TBC1D16: variants seen among roughly 807,000 people sequenced by gnomAD.
TBC1D16 encodes the protein TBC1 domain family member 16, also known as CTD-2529O21.1.
A neutral mutation model predicts 74.7 loss-of-function variants in TBC1D16; 58 were observed. The observed-to-expected ratio is 0.78, with a 90% CI of 0.63 to 0.97. The LOEUF is 0.97. Ranked by LOEUF, TBC1D16 falls within the 50% of genes least tolerant of loss-of-function variation. The pLI is 0.00. For synonymous variants in TBC1D16, 493 were observed against 474.7 expected, an observed-to-expected ratio of 1.04 and a Z score of -0.50; for missense variants, 1,014 against 1,079.5, an observed-to-expected ratio of 0.94 and a Z score of 0.85.
intron 1 of TBC1D16, among the ~76,000 whole-genome samples, chr17:80,025,111 A>ACATACCATG (rs1277560369): frequency 7.4e-5 from 6 of 81,106 alleles, no homozygotes; most frequent in Non-Finnish European, 1.2e-4. Context: ...TATACACACA[A>ACATACCATG]ACACCACAGA....
chr17:79,992,098 T>TCGTG (rs2035086946), intron 3 of TBC1D16: 1 of 152,264 alleles, frequency 6.6e-6, no homozygotes, highest in African/African-American at 2.4e-5. Flanking sequence ...GCTTTCCCCC[T>TCGTG]CGTGGACCCT....
intron 9 of TBC1D16, among the ~76,000 whole-genome samples, chr17:79,945,761 C>G (rs1157483949): frequency 6.6e-6 from 1 of 152,244 alleles, no homozygotes; most frequent in African/African-American, 2.4e-5. Context: ...AACTGCCTCC[C>G]CAAGCAATGT....
rs748135667 is a variant in TBC1D16 at position 79,948,853 on chromosome 17, C to T, written c.1541+19G>A. ...TGCAGACTTGCAGATGGGAAAGGAG[C>T]TGGCTGGGGAGGGAGTACCTCATGC... is the stretch of plus-strand genomic sequence containing the variant. On this transcript the variant is annotated intron_variant, in intron 8 of 11. Coordinates refer to ENST00000310924, the MANE Select transcript of TBC1D16 (RefSeq NM_019020.4). 4 of 1,613,786 alleles carry T rather than the reference C, an allele frequency of 2.5e-6. No homozygotes were observed. The South Asian group carries it at 3.3e-5, about 13-fold the overall frequency.
rs1184947427 is a variant in TBC1D16 at position 79,941,931 on chromosome 17, G to C, written c.2055+129C>G. On this transcript the variant is annotated intron_variant, in intron 11 of 11. Transcript: ENST00000310924. The surrounding 1 kb of genome is among the most constrained non-coding windows in gnomAD (Gnocchi z 4.3). ...GGTGGGGGAGGGCACGTGCTGGGGGGCCATGGTGGGGATGGGGCTCTGGGG... is the reference window on the plus strand; with the variant it reads ...GGTGGGGGAGGGCACGTGCTGGGGGCCCATGGTGGGGATGGGGCTCTGGGG... The C allele has an allele frequency of 2.4e-6, 2 of 817,088 alleles. No homozygotes were observed. Among genetic ancestry groups the C allele is most frequent in the African/African-American group, 1.7e-5 (1 of 57,768 alleles). The allele number at this position is 817,088 out of a possible 1,614,324, so 50.6% of individuals were successfully genotyped here.
chr17:79,943,847 C>T, intron 10 of TBC1D16: 1 of 1,378,202 alleles, frequency 7.3e-7, no homozygotes, highest in Non-Finnish European at 9.4e-7. Flanking sequence ...ATGAGGGCGG[C>T]AAATCTGCCA....
intron 3 of TBC1D16, among the ~76,000 whole-genome samples, chr17:79,995,678 G>A (rs563591690): frequency 6.4e-4 from 97 of 151,670 alleles, no homozygotes; most frequent in Non-Finnish European, 1.2e-3. Context: ...CCAGCTACTC[G>A]GGAGGCTGAG....
chr17:79,943,656 C>T (rs1274061865), intron 10 of TBC1D16, among the ~76,000 whole-genome samples: 1 of 149,428 alleles, frequency 6.7e-6, no homozygotes, highest in African/African-American at 2.5e-5. Context: ...ACAACAGAAA[C>T]TTGCTTTGTG....
intron 3 of TBC1D16, among the ~76,000 whole-genome samples, chr17:80,002,851 C>T (rs544069097): frequency 3.2e-4 from 49 of 152,368 alleles, no homozygotes; most frequent in African/African-American, 1.1e-3. Context: ...GCTCTGCTGA[C>T]GGCGCTGGCC....
rs142151927 is a variant in TBC1D16, at chr17:79,980,943, G to A, written c.780-28125C>T. Among the ~76,000 whole-genome samples, 7,345 of 152,230 alleles carry A rather than the reference G, an allele frequency of 0.048. 308 individuals carry two copies. Among genetic ancestry groups the A allele is most frequent in the Admixed American group, 0.13 (1,930 of 15,296 alleles). Reference sequence around the variant, plus strand: ...GGGGTTGTGACGTGACCTGGGCCCCGGGAGGCCCTGAGGGAACTGGTGGGT... The same window carrying A: ...GGGGTTGTGACGTGACCTGGGCCCCAGGAGGCCCTGAGGGAACTGGTGGGT... On this transcript the variant is annotated intron_variant, in intron 3 of 11. Transcript: ENST00000310924. The surrounding 1 kb of genome is among the most constrained non-coding windows in gnomAD (Gnocchi z 7.0).
intron 3 of TBC1D16, among the ~76,000 whole-genome samples, chr17:79,953,997 T>C (rs2033214294): frequency 6.6e-6 from 1 of 152,198 alleles, no homozygotes; most frequent in Non-Finnish European, 1.5e-5. Context: ...CTTGACCTCC[T>C]GACCTCAGGT....
At chr17:79,978,497 G>A (rs568841041) in intron 3 of TBC1D16, among the ~76,000 whole-genome samples, 6 of 152,398 alleles carry the variant, frequency 3.9e-5, no homozygotes, top group African/African-American at 1.2e-4. Context: ...TCCGCGGCAG[G>A]TAGGAGGAGA....
chr17:79,978,228 C>A (rs1266735047), intron 3 of TBC1D16, among the ~76,000 whole-genome samples: 1 of 152,192 alleles, frequency 6.6e-6, no homozygotes, highest in African/African-American at 2.4e-5. Flanking sequence ...CGCAGCTCCT[C>A]GCGGCATGGG....
intron 1 of TBC1D16, among the ~76,000 whole-genome samples, chr17:80,019,107 ACAGCTCT>A (rs2036197408): frequency 6.7e-6 from 1 of 150,206 alleles, no homozygotes; most frequent in Non-Finnish European, 1.5e-5. Context: ...CTGGCTGCAC[ACAGCTCT>A]CAGCTGCTTC....
intron 2 of TBC1D16, among the ~76,000 whole-genome samples, chr17:80,012,478 G>A (rs2035931526): frequency 6.6e-6 from 1 of 152,124 alleles, no homozygotes; most frequent in South Asian, 2.1e-4. Flanking sequence ...ATGTTTCATT[G>A]GCATAATTTA....
rs976878424 is a variant in TBC1D16 at position 79,993,287 on chromosome 17, C to T, written c.779+16873G>A. Among the ~76,000 whole-genome samples, 1 of 152,224 alleles carries T rather than the reference C, an allele frequency of 6.6e-6. No homozygotes were observed. Among genetic ancestry groups the T allele is most frequent in the Non-Finnish European group, 1.5e-5 (1 of 68,044 alleles). ...CCCCAGGCCGCCTGCTTCCACCAGC[C>T]AGTCCCTTTCAAAGGGCGGAGGTTT... On this transcript the variant is annotated intron_variant, in intron 3 of 11. Transcript: ENST00000310924. The surrounding 1 kb of genome is among the most constrained non-coding windows in gnomAD (Gnocchi z 5.1).
chr17:79,942,217 G>A lies in TBC1D16; in HGVS notation c.1909-11C>T, dbSNP rs202181903. 1.0e-5 allele frequency: 16 copies of A among 1,581,688 alleles called. No individual in the cohort carries two copies. Among genetic ancestry groups the A allele is most frequent in the East Asian group, 7.0e-5 (3 of 43,154 alleles). On this transcript the variant is annotated splice_polypyrimidine_tract_variant and intron_variant, in intron 10 of 11. Coordinates refer to ENST00000310924, the MANE Select transcript of TBC1D16 (RefSeq NM_019020.4). ...GTGGAAGTAGTCCGTCTGTGGAGGCGGGTAGAGTTCAGACACGGGCTCTGA... is the reference window on the plus strand; with the variant it reads ...GTGGAAGTAGTCCGTCTGTGGAGGCAGGTAGAGTTCAGACACGGGCTCTGA...
intron 3 of TBC1D16, among the ~76,000 whole-genome samples, chr17:79,972,694 G>A (rs556973005): frequency 3.9e-5 from 6 of 152,222 alleles, no homozygotes; most frequent in South Asian, 2.1e-4. Context: ...ACAGAGTTTC[G>A]GTTGGGAAGA....
rs1373205512 is a variant in TBC1D16 at position 79,979,499 on chromosome 17, T to A, written c.780-26681A>T. Among the ~76,000 whole-genome samples, 4 of 152,142 alleles carry A rather than the reference T, an allele frequency of 2.6e-5. No homozygotes were observed. The highest frequency in any genetic ancestry group is 2.6e-4 in the Admixed American group (4 of 15,280). On this transcript the variant is annotated intron_variant, in intron 3 of 11. Transcript: ENST00000310924. The surrounding 1 kb of genome is among the most constrained non-coding windows in gnomAD (Gnocchi z 4.8). ...GGAGGACCGCATAGCTGCAAATGCA[T>A]CTGGGCGTGAAGACGTCCCTGTGTC...
At position 79,951,600 on chromosome 17, in the gene TBC1D16, G is replaced by A. The variant is rs1240733454; in HGVS notation, c.942-3C>T. On this transcript the variant is annotated splice_polypyrimidine_tract_variant and splice_region_variant and intron_variant, in intron 4 of 11. Coordinates refer to ENST00000310924, the MANE Select transcript of TBC1D16 (RefSeq NM_019020.4). ...GGCCGCTGGTGCAGGCCTCGTCGCT[G>A]AAGGGCCATTGGAAGGGGGAGAGGG... 6.2e-7 allele frequency: 1 copy of A among 1,612,594 alleles called. No individual in the cohort carries two copies.
Sources: gnomAD v4.1 joint callset for allele counts (sites outside exome capture counted in the v4.1 genomes callset) on GRCh38, gnomAD v4.1.1 for gene constraint, Gnocchi (gnomAD v3.1) non-coding constraint, MANE v1.5 for transcripts, NCBI Gene and HGNC (gene_info 2026-07-23, HGNC 2026-07-21) for gene names.